The following KCNT2 variants were observed in gnomAD, a reference collection of about 807,000 sequenced individuals.
KCNT2 encodes potassium channel subfamily T member 2.
A neutral mutation model predicts 153.8 loss-of-function variants in KCNT2; 67 were observed. That is an observed-to-expected ratio of 0.44 (90% CI 0.36 to 0.53). KCNT2 has a LOEUF of 0.53. KCNT2 is among the 20% of genes least tolerant of loss of function. KCNT2 has a pLI of 0.00. For missense variants in KCNT2, 975 were observed against 1,354.8 expected, an observed-to-expected ratio of 0.72 and a Z score of 4.40; for synonymous variants, 500 against 458.8, an observed-to-expected ratio of 1.09 and a Z score of -1.15.
intron 14 of KCNT2, among the ~76,000 whole-genome samples, chr1:196,364,899 A>C (rs1055823945): frequency 3.9e-5 from 6 of 152,094 alleles, no homozygotes; most frequent in African/African-American, 1.4e-4. Flanking sequence ...ACCTCTGAGG[A>C]ACATATTTAC....
intron 1 of KCNT2, among the ~76,000 whole-genome samples, chr1:196,576,552 G>T (rs1168660683): frequency 6.6e-6 from 1 of 151,848 alleles, no homozygotes; most frequent in African/African-American, 2.4e-5. Flanking sequence ...AAAAACAGCT[G>T]TAAGTTCTCT....
At chr1:196,229,647 G>A (rs754122086) in intron 27 of KCNT2, among the ~76,000 whole-genome samples, 6 of 152,060 alleles carry the variant, frequency 3.9e-5, no homozygotes, top group Non-Finnish European at 8.8e-5. Flanking sequence ...TTTTGTGCCA[G>A]TTAGCCAAGT....
intron 1 of KCNT2, among the ~76,000 whole-genome samples, chr1:196,576,325 A>G (rs1279723494): frequency 1.3e-5 from 2 of 152,086 alleles, no homozygotes; most frequent in East Asian, 3.9e-4. Flanking sequence ...CAGAGAAATT[A>G]AACTAATTAT....
intron 1 of KCNT2, among the ~76,000 whole-genome samples, chr1:196,599,470 T>C (rs1664467868): frequency 6.6e-6 from 1 of 152,190 alleles, no homozygotes; most frequent in Non-Finnish European, 1.5e-5. Context: ...AGTCCATTTC[T>C]TACCCATATT....
intron 25 of KCNT2, among the ~76,000 whole-genome samples, chr1:196,280,294 A>G (rs1054987272): frequency 3.3e-5 from 5 of 152,226 alleles, no homozygotes; most frequent in African/African-American, 1.2e-4. Flanking sequence ...TTCTCCTTCC[A>G]TACTAACAAG....
At chr1:196,435,185 A>T (rs1170745925) in intron 8 of KCNT2, among the ~76,000 whole-genome samples, 2 of 129,256 alleles carry the variant, frequency 1.5e-5, no homozygotes, top group African/African-American at 5.8e-5. Flanking sequence ...ATATATATGA[A>T]TATGGACTAC....
At chr1:196,331,654 G>T (rs1664476400) in intron 17 of KCNT2, among the ~76,000 whole-genome samples, 1 of 151,956 alleles carries the variant, frequency 6.6e-6, no homozygotes, top group Non-Finnish European at 1.5e-5. Context: ...TGCAACAGGG[G>T]TCAAAAAGCC....
At chr1:196,502,479 G>A (rs1022034703) in intron 1 of KCNT2, among the ~76,000 whole-genome samples, 1 of 152,150 alleles carries the variant, frequency 6.6e-6, no homozygotes, top group African/African-American at 2.4e-5. Context: ...GTTTATATAT[G>A]TTACATATAC....
At position 196,509,890 on chromosome 1, in the gene KCNT2, G is replaced by A. The variant is rs370377648; in HGVS notation, c.96-17549C>T. Among the ~76,000 whole-genome samples, 7 of 152,212 alleles carry A rather than the reference G, an allele frequency of 4.6e-5. No individual in the cohort carries two copies. The East Asian group carries it at 7.7e-4, about 17-fold the overall frequency. On this transcript the variant is annotated intron_variant, in intron 1 of 27. Transcript: ENST00000294725. ...TAAATGTATTTATTAAAAATGGGCA[G>A]GAGGACTCCATAGGACTATCTTGAG...
intron 1 of KCNT2, among the ~76,000 whole-genome samples, chr1:196,565,798 A>G (rs1660036427): frequency 1.3e-5 from 2 of 151,720 alleles, no homozygotes; most frequent in South Asian, 4.1e-4. Flanking sequence ...AGAATAGAAT[A>G]GTGGTTACTA....
intron 25 of KCNT2, among the ~76,000 whole-genome samples, chr1:196,272,702 T>A (rs773240848): frequency 4.6e-5 from 7 of 151,884 alleles, no homozygotes; most frequent in Admixed American, 1.3e-4. Flanking sequence ...ACTATAAACA[T>A]CTTTTGTAAA....
intron 18 of KCNT2, among the ~76,000 whole-genome samples, chr1:196,329,792 T>C (rs1430646066): frequency 6.8e-6 from 1 of 147,864 alleles, no homozygotes; most frequent in Non-Finnish European, 1.5e-5. Flanking sequence ...TATATGTGTA[T>C]ATATGTAAAT....
chr1:196,569,750 G>A (rs1003088514), intron 1 of KCNT2, among the ~76,000 whole-genome samples: 2 of 152,108 alleles, frequency 1.3e-5, no homozygotes, highest in Non-Finnish European at 2.9e-5. Context: ...GAAGAGAATG[G>A]CAGCCCTCAT....
intron 8 of KCNT2, among the ~76,000 whole-genome samples, chr1:196,437,229 C>A (rs1674779543): frequency 9.2e-6 from 1 of 108,726 alleles, no homozygotes. Context: ...TTTAAGAAAG[C>A]TTATATATAT....
chr1:196,413,246 A>G (rs1369530198), intron 12 of KCNT2, among the ~76,000 whole-genome samples: 1 of 151,616 alleles, frequency 6.6e-6, no homozygotes, highest in African/African-American at 2.4e-5. Context: ...GATTTGGACT[A>G]AACTGGGTAA....
chr1:196,380,592 G>A (rs190448641), intron 13 of KCNT2, among the ~76,000 whole-genome samples: 7 of 152,230 alleles, frequency 4.6e-5, no homozygotes, highest in Admixed American at 4.6e-4. Context: ...TTAATTTACA[G>A]AAATCAAATA....
intron 13 of KCNT2, among the ~76,000 whole-genome samples, chr1:196,379,791 C>A (rs1234316444): frequency 6.6e-6 from 1 of 152,046 alleles, no homozygotes; most frequent in African/African-American, 2.4e-5. Context: ...TGTGCCAGGC[C>A]ATGGGCAAAT....
At chr1:196,304,629 A>C (rs991741818) in intron 22 of KCNT2, among the ~76,000 whole-genome samples, 2 of 151,952 alleles carry the variant, frequency 1.3e-5, no homozygotes, top group Non-Finnish European at 2.9e-5. Flanking sequence ...AACCATCTAC[A>C]CCCACACTCA....
intron 26 of KCNT2, among the ~76,000 whole-genome samples, chr1:196,239,215 T>C (rs1260579750): frequency 6.6e-6 from 1 of 151,862 alleles, no homozygotes; most frequent in African/African-American, 2.4e-5. Flanking sequence ...ATTTACTGTG[T>C]CCCTGATAAC....
Sources: allele counts gnomAD v4.1 joint callset (sites outside exome capture counted in the v4.1 genomes callset), GRCh38; gene constraint gnomAD v4.1.1; transcripts MANE v1.5; gene names NCBI Gene and HGNC (gene_info 2026-07-23, HGNC 2026-07-21).